GRID1: variants seen among roughly 807,000 people sequenced by gnomAD.
GRID1 encodes the protein glutamate receptor ionotropic, delta-1.
A neutral mutation model predicts 98.0 loss-of-function variants in GRID1; 28 were observed. That is an observed-to-expected ratio of 0.29 (90% CI 0.21 to 0.39). The LOEUF (loss-of-function observed/expected upper bound fraction) is 0.39. Among genes scored for constraint, GRID1 ranks in the 10% least tolerant of loss-of-function variants. The probability of loss-of-function intolerance (pLI) is 1.00; values close to 1 mark genes in which losing one functional copy is unlikely to be tolerated. For synonymous variants in GRID1, 553 were observed against 538.5 expected (o/e 1.03, Z -0.37); for missense variants, 1,111 against 1,340.5 (o/e 0.83, Z 2.67).
intron 8 of GRID1, among the ~76,000 whole-genome samples, chr10:85,749,059 A>G (rs1489572650): frequency 6.6e-6 from 1 of 152,122 alleles, no homozygotes; most frequent in Non-Finnish European, 1.5e-5. Flanking sequence ...CCCAGCCACC[A>G]TTATCACCTG....
intron 15 of GRID1, among the ~76,000 whole-genome samples, chr10:85,604,649 A>G (rs1200285316): frequency 6.6e-6 from 1 of 152,208 alleles, no homozygotes; most frequent in African/African-American, 2.4e-5. Flanking sequence ...TGACTCCTTC[A>G]AAGGTTTGTA....
At chr10:86,061,013 G>A (rs550692145) in intron 4 of GRID1, among the ~76,000 whole-genome samples, 4 of 152,222 alleles carry the variant, frequency 2.6e-5, no homozygotes, top group Admixed American at 6.5e-5. Context: ...CTCCCCAGTT[G>A]CCTGCACCAT....
At chr10:86,110,885 C>T (rs1380844817) in intron 4 of GRID1, among the ~76,000 whole-genome samples, 2 of 152,250 alleles carry the variant, frequency 1.3e-5, no homozygotes, top group East Asian at 3.8e-4. Flanking sequence ...TTCTAAGAGC[C>T]TCCTCTATGC....
At chr10:86,220,857 G>T (rs571160769) in intron 2 of GRID1, among the ~76,000 whole-genome samples, 1 of 152,180 alleles carries the variant, frequency 6.6e-6, no homozygotes, top group East Asian at 1.9e-4. Flanking sequence ...GCCAGGTGTC[G>T]GGGGTGCGCC....
intron 8 of GRID1, among the ~76,000 whole-genome samples, chr10:85,821,516 CAAAAAAAAAAAAAAA>C (rs1157209045): frequency 2.2e-4 from 2 of 9,104 alleles, no homozygotes; most frequent in Admixed American, 3.1e-3. Flanking sequence ...GACTTCATCT[CAAAAAAAAAAAAAAA>C]AAAAAAAAAA....
At chr10:85,953,872 T>C (rs1462235216) in intron 4 of GRID1, among the ~76,000 whole-genome samples, 1 of 152,216 alleles carries the variant, frequency 6.6e-6, no homozygotes, top group African/African-American at 2.4e-5. Flanking sequence ...ATTCTTAGTG[T>C]GGGACAATGT....
chr10:85,708,604 C>T (rs929251885), intron 12 of GRID1, among the ~76,000 whole-genome samples: 3 of 152,074 alleles, frequency 2.0e-5, no homozygotes, highest in East Asian at 3.9e-4. Context: ...GGAAAATGAT[C>T]ATTTCATATT....
At chr10:86,250,170 G>A (rs928913476) in intron 2 of GRID1, among the ~76,000 whole-genome samples, 1 of 152,184 alleles carries the variant, frequency 6.6e-6, no homozygotes, top group Admixed American at 6.5e-5. Flanking sequence ...AGTCAGTGGG[G>A]ACATTGCTTC....
chr10:85,930,202 G>A (rs996862849), intron 4 of GRID1, among the ~76,000 whole-genome samples: 3 of 148,524 alleles, frequency 2.0e-5, no homozygotes, highest in African/African-American at 5.0e-5. Flanking sequence ...AATAACTTGC[G>A]GTTATTTTTA....
intron 2 of GRID1, among the ~76,000 whole-genome samples, chr10:86,345,511 G>C (rs1336923710): frequency 1.3e-5 from 2 of 152,236 alleles, no homozygotes; most frequent in Admixed American, 1.3e-4. Context: ...TTAGGGATGG[G>C]CCTCAGCCAT....
chr10:85,613,950 C>T (rs549020704), intron 14 of GRID1, among the ~76,000 whole-genome samples: 7 of 152,332 alleles, frequency 4.6e-5, no homozygotes, highest in African/African-American at 1.4e-4. Context: ...TACATGGATT[C>T]TGTGGCAAGA....
chr10:85,791,289 G>A (rs539690182), intron 8 of GRID1, among the ~76,000 whole-genome samples: 9 of 152,374 alleles, frequency 5.9e-5, no homozygotes, highest in Admixed American at 3.3e-4. Flanking sequence ...GCCCCATGGC[G>A]AGATGGAGCA....
At chr10:85,603,685 G>T (rs918595831) in intron 15 of GRID1, among the ~76,000 whole-genome samples, 1 of 152,162 alleles carries the variant, frequency 6.6e-6, no homozygotes, top group South Asian at 2.1e-4. Flanking sequence ...CTCAGCAGAG[G>T]AGCCATATGA....
At chr10:85,914,319 G>A (rs1841581029) in intron 5 of GRID1, among the ~76,000 whole-genome samples, 1 of 152,156 alleles carries the variant, frequency 6.6e-6, no homozygotes, top group African/African-American at 2.4e-5. Context: ...CAGTTTGGAG[G>A]ATTCATCAAA....
At chr10:86,304,141 T>C (rs1847727658) in intron 2 of GRID1, among the ~76,000 whole-genome samples, 1 of 152,166 alleles carries the variant, frequency 6.6e-6, no homozygotes, top group Non-Finnish European at 1.5e-5. Context: ...CTCACTCCAT[T>C]GCACTTCTCT....
At chr10:85,789,912 T>C (rs946398474) in intron 8 of GRID1, among the ~76,000 whole-genome samples, 2 of 152,182 alleles carry the variant, frequency 1.3e-5, no homozygotes, top group Non-Finnish European at 2.9e-5. Context: ...TCCCCCAGGC[T>C]GAAGAGCCCC....
chr10:86,135,544 G>T (rs1032897311), intron 4 of GRID1, among the ~76,000 whole-genome samples: 1 of 152,184 alleles, frequency 6.6e-6, no homozygotes, highest in Non-Finnish European at 1.5e-5. Flanking sequence ...AGATGGTGCT[G>T]AGGAGGCCTC....
At chr10:86,167,182 A>G (rs1341437764) in intron 3 of GRID1, among the ~76,000 whole-genome samples, 2 of 152,352 alleles carry the variant, frequency 1.3e-5, no homozygotes, top group African/African-American at 4.8e-5. Context: ...TTGGGGGACC[A>G]AGGAGCTTCC....
chr10:85,944,850 C>T (rs536489880), intron 4 of GRID1, among the ~76,000 whole-genome samples: 8 of 151,438 alleles, frequency 5.3e-5, no homozygotes, highest in African/African-American at 1.7e-4. Context: ...TACAACGTAA[C>T]GGATATAGTA....
Sources: gnomAD v4.1 joint callset for allele counts (sites outside exome capture counted in the v4.1 genomes callset) on GRCh38, gnomAD v4.1.1 for gene constraint, MANE v1.5 for transcripts, NCBI Gene and HGNC (gene_info 2026-07-23, HGNC 2026-07-21) for gene names.